The following FBLN7 variants were observed in gnomAD, a reference collection of about 807,000 sequenced individuals.
FBLN7 encodes fibulin 7.
A neutral mutation model predicts 44.0 loss-of-function variants in FBLN7; 31 were observed. The ratio of observed to expected loss-of-function variants is 0.70; its 90% CI spans 0.53 to 0.95. FBLN7 has a LOEUF of 0.95. FBLN7 is among the 40% of genes least tolerant of loss of function. The pLI, the probability that FBLN7 is intolerant of heterozygous loss-of-function variation, is 0.00. For synonymous variants in FBLN7, 262 were observed against 253.4 expected (o/e 1.03, Z -0.32); for missense variants, 573 against 618.5 (o/e 0.93, Z 0.78).
the FBLN7 span, among the ~76,000 whole-genome samples, chr2:112,193,871 G>A: frequency 6.6e-6 from 1 of 152,244 alleles, no homozygotes; most frequent in Non-Finnish European, 1.5e-5. Flanking sequence ...TGATGCTGAT[G>A]TGGGAAGAAA....
chr2:112,195,176 T>C, the FBLN7 span, among the ~76,000 whole-genome samples: 1 of 152,188 alleles, frequency 6.6e-6, no homozygotes, highest in Non-Finnish European at 1.5e-5. Context: ...GAGACTATGA[T>C]GATGAAAATT....
chr2:112,239,968 C>T, the FBLN7 span, among the ~76,000 whole-genome samples: 3 of 152,164 alleles, frequency 2.0e-5, no homozygotes, highest in African/African-American at 7.2e-5. Context: ...TGAACTTGCT[C>T]CCTGCTTAAA....
chr2:112,195,577 C>A, the FBLN7 span, among the ~76,000 whole-genome samples: 1 of 152,170 alleles, frequency 6.6e-6, no homozygotes, highest in Non-Finnish European at 1.5e-5. Flanking sequence ...CCAGGGGGTG[C>A]CAGACCTGGG....
chr2:112,231,526 A>AT, the FBLN7 span, among the ~76,000 whole-genome samples: 1 of 152,218 alleles, frequency 6.6e-6, no homozygotes, highest in Non-Finnish European at 1.5e-5. Flanking sequence ...AAGAATCTTT[A>AT]TAACAGGAGT....
At chr2:112,144,597 T>C (rs1368120277) in intron 1 of FBLN7, among the ~76,000 whole-genome samples, 1 of 150,120 alleles carries the variant, frequency 6.7e-6, no homozygotes, top group Non-Finnish European at 1.5e-5. Flanking sequence ...TGATCTTGGC[T>C]CACTGCCACC....
At chr2:112,236,804 T>C in the FBLN7 span, 2 of 1,042,754 alleles carry the variant, frequency 1.9e-6, no homozygotes, top group Non-Finnish European at 1.4e-6. Context: ...CCCAGCTCTT[T>C]GGGAGGCTGA....
the FBLN7 span, chr2:112,230,851 TC>T: frequency 8.3e-7 from 1 of 1,207,700 alleles, no homozygotes. Context: ...CATGCCAACT[TC>T]TGGAGATGTT....
chr2:112,181,923 A>G (rs1358785275), intron 5 of FBLN7, 47 bp downstream of exon 5: 1 of 1,516,126 alleles, frequency 6.6e-7, no homozygotes. Context: ...CGGGGAGGAC[A>G]TGGGGCGGGG....
chr2:112,140,521 G>A (rs1030168396), intron 1 of FBLN7, among the ~76,000 whole-genome samples: 2 of 152,138 alleles, frequency 1.3e-5, no homozygotes, highest in African/African-American at 2.4e-5. Flanking sequence ...ATCGCTGGCC[G>A]GGCCCCTGGG....
chr2:112,233,180 T>C, the FBLN7 span: 1 of 867,516 alleles, frequency 1.2e-6, no homozygotes, highest in African/African-American at 1.8e-5. Context: ...CCTAAAACAC[T>C]GGTTTCATTA....
intron 2 of FBLN7, among the ~76,000 whole-genome samples, chr2:112,160,654 ACACGCG>A (rs1681719195): frequency 5.1e-4 from 73 of 142,674 alleles, no homozygotes; most frequent in Non-Finnish European, 8.5e-4. Flanking sequence ...ACGCGCACGC[ACACGCG>A]CACGCACACG....
chr2:112,242,114 C>G, the FBLN7 span, among the ~76,000 whole-genome samples: 1 of 152,136 alleles, frequency 6.6e-6, no homozygotes, highest in African/African-American at 2.4e-5. Context: ...CTGGGCCTTT[C>G]TTAAATGAAT....
chr2:112,164,819 C>A (rs1682058525), intron 2 of FBLN7, among the ~76,000 whole-genome samples, 182 bp from the exon 3 acceptor site: 1 of 152,224 alleles, frequency 6.6e-6, no homozygotes, highest in Non-Finnish European at 1.5e-5. Context: ...TCGTACCACC[C>A]ATCCCCAAGA....
chr2:112,168,142 G>A (rs1318476079), intron 3 of FBLN7, among the ~76,000 whole-genome samples: 1 of 152,094 alleles, frequency 6.6e-6, no homozygotes, highest in East Asian at 1.9e-4. Context: ...TCTTGCCCTT[G>A]GACGTACCAG....
chr2:112,203,274 AT>A, the FBLN7 span, among the ~76,000 whole-genome samples: 1 of 152,220 alleles, frequency 6.6e-6, no homozygotes, highest in African/African-American at 2.4e-5. Context: ...TATTGAAGGT[AT>A]GTCCCAACTC....
chr2:112,152,387 G>A (rs774205177), intron 1 of FBLN7: 1 of 152,260 alleles, frequency 6.6e-6, no homozygotes, highest in Non-Finnish European at 1.5e-5. Context: ...CTGGAATTGC[G>A]CATGGAGTGT....
intron 4 of FBLN7, among the ~76,000 whole-genome samples, chr2:112,180,737 G>T (rs1037791956): frequency 2.6e-5 from 4 of 151,946 alleles, no homozygotes; most frequent in African/African-American, 7.3e-5. Context: ...TGGCTAACAT[G>T]GTGAAACCCC....
the FBLN7 span, among the ~76,000 whole-genome samples, chr2:112,208,339 T>G: frequency 5.9e-5 from 9 of 152,240 alleles, no homozygotes; most frequent in Non-Finnish European, 1.0e-4. Context: ...AGGCGGAGGT[T>G]GCAGTGTGTC....
At chr2:112,166,859 C>T (rs1331893333) in intron 3 of FBLN7, among the ~76,000 whole-genome samples, 2 of 152,198 alleles carry the variant, frequency 1.3e-5, no homozygotes, top group African/African-American at 4.8e-5. Flanking sequence ...GCTGCCTCGT[C>T]CTCTCTGGGG....
Sources: allele counts gnomAD v4.1 joint callset (sites outside exome capture counted in the v4.1 genomes callset), GRCh38; gene constraint gnomAD v4.1.1; transcripts MANE v1.5; gene names NCBI Gene and HGNC (gene_info 2026-07-23, HGNC 2026-07-21).